USP53: variants seen among roughly 807,000 people sequenced by gnomAD.
The protein encoded by USP53 is ubiquitin specific peptidase 53.
A neutral mutation model predicts 94.9 loss-of-function variants in USP53; 71 were observed. The observed-to-expected ratio is 0.75, with a 90% CI of 0.62 to 0.91. The LOEUF (loss-of-function observed/expected upper bound fraction) is 0.91, where lower values mean the gene tolerates loss of function less well. Ranked by LOEUF, USP53 falls within the 40% of genes least tolerant of loss-of-function variation. The pLI is 0.00. For missense variants in USP53, 1,173 were observed against 1,281.0 expected, an observed-to-expected ratio of 0.92 and a Z score of 1.29; for synonymous variants, 375 against 422.7, an observed-to-expected ratio of 0.89 and a Z score of 1.39.
At chr4:119,266,807 T>G (rs1325344185) in intron 12 of USP53, among the ~76,000 whole-genome samples, 2 of 152,152 alleles carry the variant, frequency 1.3e-5, no homozygotes, top group African/African-American at 4.8e-5. Flanking sequence ...TCTTCTATGG[T>G]TTGGTATGCT....
intron 17 of USP53, among the ~76,000 whole-genome samples, chr4:119,274,489 G>A (rs1180066596): frequency 2.0e-5 from 3 of 151,914 alleles, no homozygotes; most frequent in East Asian, 1.9e-4. Context: ...TCTTAATCCA[G>A]TCTATCATTG....
intron 3 of USP53, among the ~76,000 whole-genome samples, chr4:119,224,946 T>TA (rs1745041252): frequency 6.6e-6 from 1 of 151,734 alleles, no homozygotes; most frequent in Admixed American, 6.6e-5. Flanking sequence ...AAGAAAATAA[T>TA]AGAGTTCTGG....
chr4:119,221,425 C>T (rs1340879700), intron 3 of USP53: 1 of 133,692 alleles, frequency 7.5e-6, no homozygotes, highest in Admixed American at 7.7e-5. Context: ...CAGAGTGAGA[C>T]CCCAGCTCAA....
intron 4 of USP53, among the ~76,000 whole-genome samples, chr4:119,236,516 ATCT>A (rs1423199265): frequency 1.3e-5 from 2 of 152,182 alleles, no homozygotes; most frequent in African/African-American, 2.4e-5. Context: ...CCCACCACAG[ATCT>A]TCTTTCAGAA....
chr4:119,241,953 T>C (rs945606101), intron 5 of USP53, among the ~76,000 whole-genome samples: 4 of 152,200 alleles, frequency 2.6e-5, no homozygotes, highest in African/African-American at 9.6e-5. Context: ...GTTACTCCAT[T>C]TTCAAGTTCA....
intron 15 of USP53, among the ~76,000 whole-genome samples, chr4:119,270,898 G>A (rs1751769587): frequency 6.6e-6 from 1 of 150,922 alleles, no homozygotes; most frequent in African/African-American, 2.4e-5. Context: ...GACTGAACTA[G>A]TCTGCACTCC....
chr4:119,245,190 G>T, intron 5 of USP53, 147 bp from the exon 6 acceptor site: 1 of 628,586 alleles, frequency 1.6e-6, no homozygotes, highest in Non-Finnish European at 2.8e-6. Flanking sequence ...GTTATTTCCA[G>T]TGGTTATGTG....
At chr4:119,281,132 T>G (rs1753469694) in intron 17 of USP53, among the ~76,000 whole-genome samples, 1 of 152,218 alleles carries the variant, frequency 6.6e-6, no homozygotes, top group Admixed American at 6.5e-5. Flanking sequence ...AGGCGATTTG[T>G]TAGCAACACA....
At chr4:119,280,818 T>A (rs1488272306) in intron 17 of USP53, among the ~76,000 whole-genome samples, 1 of 152,106 alleles carries the variant, frequency 6.6e-6, no homozygotes, top group Admixed American at 6.5e-5. Context: ...GGGATATGGG[T>A]GAGGAGGACA....
At chr4:119,229,494 A>AAACAAGCTCATTTTC (rs752340988) in intron 3 of USP53, among the ~76,000 whole-genome samples, 97 of 152,304 alleles carry the variant, frequency 6.4e-4, no homozygotes, top group Non-Finnish European at 1.1e-3. Context: ...AATGGAACTC[A>AAACAAGCTCATTTTC]ATATTTTCTC....
At chr4:119,228,831 T>C (rs895975823) in intron 3 of USP53, among the ~76,000 whole-genome samples, 2 of 152,312 alleles carry the variant, frequency 1.3e-5, no homozygotes, top group South Asian at 4.1e-4. Context: ...ACTGAGATAC[T>C]AGTGACCTCT....
intron 7 of USP53, among the ~76,000 whole-genome samples, chr4:119,254,653 C>T (rs117837868): frequency 0.027 from 4,180 of 152,204 alleles, 73 homozygotes; most frequent in South Asian, 0.071. Context: ...AGCTCCCTTG[C>T]GATGGGTTAG....
At position 119,295,230 on chromosome 4, in the gene USP53, C is replaced by A. The variant is rs1204355748; in HGVS notation, c.*2019C>A. 1 of 150,800 alleles carries A rather than the reference C, an allele frequency of 6.6e-6. No individual in the cohort carries two copies. Among genetic ancestry groups the A allele is most frequent in the African/African-American group, 2.4e-5 (1 of 41,016 alleles). 9.3% of individuals were successfully genotyped at this position (150,800 alleles called of 1,614,324 possible). On this transcript the variant is annotated 3_prime_UTR_variant, in exon 19 of 19. Transcript: ENST00000692078. ...CAGTTGAAACCTCCTGACTCATGTA[C>A]TACTACACAAACTAGAAAATGCCCA...
At position 119,271,937 on chromosome 4, in the gene USP53, C is replaced by A. The variant is rs1751926239; in HGVS notation, c.2077C>A (p.His693Asn). Reference sequence around the variant, plus strand: ...TGAGTCTGGATATGAAAGCAGTGATCACATCAGTAATGGTTCTACTAATTT... The same window carrying A: ...TGAGTCTGGATATGAAAGCAGTGATAACATCAGTAATGGTTCTACTAATTT... ...RTESGYESSD[H>N]ISNGSTNLDS... is the part of the protein sequence containing the mutation. The change falls in exon 16 of 19, where the codon CAC (histidine) becomes AAC (asparagine). Residue 693 changes from histidine to asparagine, a missense_variant. Coordinates refer to ENST00000692078, the MANE Select transcript of USP53 (RefSeq NM_001371395.1). 2.5e-6 allele frequency: 4 copies of A among 1,613,970 alleles called. No homozygotes were observed. The African/African-American group carries it at 4.0e-5, about 16-fold the overall frequency.
chr4:119,253,250 G>C (rs1749284624), intron 7 of USP53, among the ~76,000 whole-genome samples: 1 of 152,032 alleles, frequency 6.6e-6, no homozygotes, highest in African/African-American at 2.4e-5. Flanking sequence ...GTCCAGAACT[G>C]GGTTCAAGTC....
At chr4:119,266,632 C>T (rs768630052) in intron 12 of USP53, among the ~76,000 whole-genome samples, 22 of 152,010 alleles carry the variant, frequency 1.4e-4, no homozygotes, top group African/African-American at 4.6e-4. Context: ...GCCAGTATTT[C>T]GCATTGGATT....
At chr4:119,226,501 T>G (rs1317736320) in intron 3 of USP53, among the ~76,000 whole-genome samples, 1 of 152,138 alleles carries the variant, frequency 6.6e-6, no homozygotes, top group African/African-American at 2.4e-5. Context: ...ATTGAAAACA[T>G]CATTTACTAT....
In USP53 at chr4:119,226,075, C is replaced by A. The variant is rs143340828; in HGVS notation, c.-665+8402C>A. On this transcript the variant is annotated intron_variant, in intron 3 of 18. Coordinates refer to ENST00000692078, the MANE Select transcript of USP53 (RefSeq NM_001371395.1). ...CTGTCAACAAATAGAATCATATAAT[C>A]ATCTCAGTATTTACAAAATTTAAAA... Among the ~76,000 whole-genome samples, 427 of 152,172 alleles carry A rather than the reference C, an allele frequency of 2.8e-3. 2 individuals carry two copies. Among genetic ancestry groups the A allele is most frequent in the African/African-American group, 9.8e-3 (407 of 41,518 alleles).
intron 3 of USP53, among the ~76,000 whole-genome samples, chr4:119,231,017 A>G (rs915831747): frequency 1.3e-5 from 2 of 152,150 alleles, no homozygotes; most frequent in Admixed American, 1.3e-4. Context: ...GGTCAAGTCA[A>G]GTGGGTTGTA....
Sources: gnomAD v4.1 joint callset for allele counts (sites outside exome capture counted in the v4.1 genomes callset) on GRCh38, gnomAD v4.1.1 for gene constraint, MANE v1.5 for transcripts, NCBI Gene and HGNC (gene_info 2026-07-23, HGNC 2026-07-21) for gene names.